Variants in CSMD1 observed in about 807,000 individuals in gnomAD.
CSMD1 encodes CUB and sushi domain-containing protein 1.
A neutral mutation model predicts 417.5 loss-of-function variants in CSMD1; 213 were observed. The observed-to-expected ratio is 0.51, with a 90% CI of 0.46 to 0.57. The LOEUF is 0.57. Among genes scored for constraint, CSMD1 ranks in the 20% least tolerant of loss-of-function variants. The probability of loss-of-function intolerance (pLI) is 0.00; values close to 1 mark genes in which losing one functional copy is unlikely to be tolerated. For synonymous variants in CSMD1, 2,862 were observed against 1,736.8 expected (o/e 1.65, Z -16.11); for missense variants, 6,923 against 4,529.7 (o/e 1.53, Z -15.17).
intron 4 of CSMD1, among the ~76,000 whole-genome samples, chr8:4,008,610 T>C (rs890120288): frequency 6.1e-5 from 8 of 131,284 alleles, no homozygotes; most frequent in Non-Finnish European, 1.1e-4. Context: ...CTTTTTTTTT[T>C]TTTTTTTTTT....
At chr8:4,927,795 T>A (rs573861582) in intron 1 of CSMD1, among the ~76,000 whole-genome samples, 7 of 152,288 alleles carry the variant, frequency 4.6e-5, no homozygotes, top group Middle Eastern at 3.4e-3. Flanking sequence ...GGATTCCAAC[T>A]TGGCTCCTCT....
chr8:4,667,965 T>C (rs1220346895), intron 1 of CSMD1, among the ~76,000 whole-genome samples: 4 of 152,244 alleles, frequency 2.6e-5, no homozygotes, highest in Admixed American at 6.5e-5. Context: ...TTACCTGCCA[T>C]TGCATTTGTT....
chr8:4,016,250 T>G (rs528197769), intron 4 of CSMD1, among the ~76,000 whole-genome samples: 37 of 152,250 alleles, frequency 2.4e-4, no homozygotes, highest in Admixed American at 2.2e-3. Flanking sequence ...TTTGCTTTCC[T>G]GCTTGAGTAA....
At chr8:4,340,637 A>C (rs1365242417) in intron 3 of CSMD1, among the ~76,000 whole-genome samples, 1 of 152,078 alleles carries the variant, frequency 6.6e-6, no homozygotes, top group Non-Finnish European at 1.5e-5. Context: ...CAATGAGCCA[A>C]GTGGAGCTTG....
At chr8:4,607,735 C>T (rs895858350) in intron 2 of CSMD1, among the ~76,000 whole-genome samples, 5 of 152,284 alleles carry the variant, frequency 3.3e-5, no homozygotes, top group African/African-American at 1.2e-4. Flanking sequence ...AAACAGTAAA[C>T]GTAGCAGCCT....
At chr8:3,282,122 C>CAGAT (rs1802786379) in intron 26 of CSMD1, among the ~76,000 whole-genome samples, 1 of 152,144 alleles carries the variant, frequency 6.6e-6, no homozygotes, top group African/African-American at 2.4e-5. Flanking sequence ...TACCCAGTCT[C>CAGAT]AGATAGTTCT....
intron 1 of CSMD1, among the ~76,000 whole-genome samples, chr8:4,801,329 T>C (rs1053989807): frequency 2.6e-5 from 4 of 152,132 alleles, no homozygotes; most frequent in African/African-American, 9.7e-5. Flanking sequence ...AAGTGGAAGA[T>C]GTGAGCTATA....
chr8:4,895,381 T>C (rs1245722485), intron 1 of CSMD1, among the ~76,000 whole-genome samples: 2 of 152,138 alleles, frequency 1.3e-5, no homozygotes, highest in Non-Finnish European at 2.9e-5. Flanking sequence ...CTCAGTATGA[T>C]GCACCAAACA....
At chr8:4,579,254 C>T (rs1046897423) in intron 2 of CSMD1, among the ~76,000 whole-genome samples, 4 of 148,802 alleles carry the variant, frequency 2.7e-5, no homozygotes, top group Non-Finnish European at 6.0e-5. Flanking sequence ...TTTAAACATA[C>T]ATACATATAT....
At chr8:3,990,083 G>A (rs1218807837) in intron 5 of CSMD1, among the ~76,000 whole-genome samples, 3 of 152,178 alleles carry the variant, frequency 2.0e-5, no homozygotes, top group East Asian at 1.9e-4. Context: ...GGGCGCAATG[G>A]CCCCTCAGAA....
At chr8:3,137,462 T>A (rs1818169696) in intron 41 of CSMD1, among the ~76,000 whole-genome samples, 1 of 152,208 alleles carries the variant, frequency 6.6e-6, no homozygotes. Context: ...GCACTGCGCT[T>A]CCTGCTGAGC....
At chr8:2,991,720 G>C (rs1046799568) in intron 54 of CSMD1, among the ~76,000 whole-genome samples, 1 of 152,224 alleles carries the variant, frequency 6.6e-6, no homozygotes, top group Non-Finnish European at 1.5e-5. Flanking sequence ...GAAAGTAATA[G>C]ATGTTCAGAA....
intron 2 of CSMD1, among the ~76,000 whole-genome samples, chr8:4,530,695 A>G (rs976927907): frequency 7.3e-5 from 11 of 150,430 alleles, no homozygotes; most frequent in African/African-American, 2.2e-4. Flanking sequence ...TTAGGGCTGC[A>G]TAGTGTTCCA....
At chr8:3,198,603 G>A (rs954156054) in intron 33 of CSMD1, among the ~76,000 whole-genome samples, 1 of 152,142 alleles carries the variant, frequency 6.6e-6, no homozygotes, top group Non-Finnish European at 1.5e-5. Flanking sequence ...TAACTGTTAA[G>A]CATCATCCTC....
At chr8:3,472,280 C>T (rs1237452948) in intron 11 of CSMD1, among the ~76,000 whole-genome samples, 2 of 152,120 alleles carry the variant, frequency 1.3e-5, no homozygotes, top group African/African-American at 4.8e-5. Context: ...CAAACTTAAG[C>T]ACCTAACCCC....
chr8:4,912,359 CTTTTT>C (rs10578105), intron 1 of CSMD1, among the ~76,000 whole-genome samples: 116,894 of 148,364 alleles, frequency 0.79, 46,013 homozygotes, highest in Admixed American at 0.83. Flanking sequence ...TCATTTTCTG[CTTTTT>C]TTTTTTTTTT....
intron 3 of CSMD1, among the ~76,000 whole-genome samples, chr8:4,119,661 C>T (rs543709473): frequency 1.3e-5 from 2 of 152,300 alleles, no homozygotes; most frequent in South Asian, 2.1e-4. Flanking sequence ...CACAAGCACA[C>T]ACTTGCAAGC....
intron 2 of CSMD1, among the ~76,000 whole-genome samples, chr8:4,535,679 G>C (rs913723364): frequency 6.6e-6 from 1 of 152,080 alleles, no homozygotes; most frequent in East Asian, 1.9e-4. Context: ...CATTTTCTGA[G>C]GAGCCCTGAT....
chr8:3,471,025 T>C (rs62473734), intron 11 of CSMD1, among the ~76,000 whole-genome samples: 27,743 of 152,100 alleles, frequency 0.18, 2,724 homozygotes, highest in African/African-American at 0.26. Flanking sequence ...TTCATTTACC[T>C]GAGATAAAAG....
Sources: allele counts gnomAD v4.1 joint callset (sites outside exome capture counted in the v4.1 genomes callset), GRCh38; gene constraint gnomAD v4.1.1; transcripts MANE v1.5; gene names NCBI Gene and HGNC (gene_info 2026-07-23, HGNC 2026-07-21).